The following LRBA variants were observed in gnomAD, a reference collection of about 807,000 sequenced individuals.
LRBA encodes the protein LPS responsive beige-like anchor protein.
Under a neutral mutation model 330.0 loss-of-function variants are expected in LRBA, and 176 were observed. The ratio of observed to expected loss-of-function variants is 0.53; its 90% CI spans 0.47 to 0.60. The LOEUF (loss-of-function observed/expected upper bound fraction) is 0.60. LRBA is among the 20% of genes least tolerant of loss of function. The pLI, the probability that LRBA is intolerant of heterozygous loss-of-function variation, is 0.00. For missense variants in LRBA, 3,259 were observed against 3,444.8 expected (o/e 0.95, Z 1.35); for synonymous variants, 1,230 against 1,193.0 (o/e 1.03, Z -0.64).
chr4:150,872,540 C>G, intron 18 of LRBA, 123 bp downstream of exon 18: 1 of 603,030 alleles, frequency 1.7e-6, no homozygotes, highest in Non-Finnish European at 2.9e-6. Context: ...TACATTTATA[C>G]AGCAATTTAT....
At chr4:150,838,794 G>A (rs1238349566) in intron 28 of LRBA, among the ~76,000 whole-genome samples, 2 of 152,050 alleles carry the variant, frequency 1.3e-5, no homozygotes, top group East Asian at 1.9e-4. Flanking sequence ...CTCTCAACTC[G>A]TCAAAGTCAT....
chr4:150,555,526 G>A lies in LRBA; in HGVS notation c.6330+32522C>T, dbSNP rs948058605. On this transcript the variant is annotated intron_variant, in intron 40 of 56. Transcript: ENST00000651943. ...AGCACTTTGGGAGGCCAAGGTGGGCGGATCACAAGGTCAAGAGATCGAGAC... is the reference window on the plus strand; with the variant it reads ...AGCACTTTGGGAGGCCAAGGTGGGCAGATCACAAGGTCAAGAGATCGAGAC... Among the ~76,000 whole-genome samples, 14 of 152,180 alleles carry A rather than the reference G, an allele frequency of 9.2e-5. No homozygotes were observed. The South Asian group carries it at 2.9e-3, about 32-fold the overall frequency.
Position 150,811,623 on chromosome 4 carries a change from C to T in LRBA, c.5306-3225G>A, listed in dbSNP as rs535384049. On this transcript the variant is annotated intron_variant, in intron 31 of 56. Transcript: ENST00000651943. Reference sequence around the variant, plus strand: ...ACTCAAGTAATCCTCCTGTCTCAGCCTTCTGAGTAGGTGAGATTACAGGCA... The same window carrying T: ...ACTCAAGTAATCCTCCTGTCTCAGCTTTCTGAGTAGGTGAGATTACAGGCA... 5.3e-5 allele frequency among the ~76,000 whole-genome samples: 8 copies of T among 152,218 alleles called. No homozygotes were observed. The South Asian group carries it at 1.5e-3, about 28-fold the overall frequency.
At chr4:150,491,088 T>C (rs1758885771) in intron 40 of LRBA, 53 bp from the exon 41 acceptor site, 1 of 839,398 alleles carries the variant, frequency 1.2e-6, no homozygotes, top group Non-Finnish European at 1.8e-6. Context: ...TTTTTTGTTG[T>C]TGTTTCTTTC....
At chr4:150,824,340 C>G (rs1168654316) in intron 30 of LRBA, among the ~76,000 whole-genome samples, 1 of 152,040 alleles carries the variant, frequency 6.6e-6, no homozygotes, top group Non-Finnish European at 1.5e-5. Flanking sequence ...TTTCTAAATA[C>G]TCTAAATACA....
At chr4:150,349,573 C>T (rs1347588406) in intron 48 of LRBA, among the ~76,000 whole-genome samples, 1 of 151,978 alleles carries the variant, frequency 6.6e-6, no homozygotes, top group Non-Finnish European at 1.5e-5. Flanking sequence ...GACTTCAACC[C>T]CCCCATTAAC....
chr4:150,691,430 T>C (rs1055025621), intron 36 of LRBA, among the ~76,000 whole-genome samples: 4 of 152,064 alleles, frequency 2.6e-5, no homozygotes, highest in African/African-American at 7.2e-5. Flanking sequence ...GATATACAAA[T>C]GGCTAATAAA....
intron 36 of LRBA, among the ~76,000 whole-genome samples, chr4:150,715,021 GACAA>G (rs1229057813): frequency 6.6e-6 from 1 of 152,108 alleles, no homozygotes; most frequent in East Asian, 1.9e-4. Flanking sequence ...TGCTTATTTA[GACAA>G]ACAGTCTCAT....
At chr4:150,534,426 T>A (rs75348609) in intron 40 of LRBA, among the ~76,000 whole-genome samples, 3,011 of 151,154 alleles carry the variant, frequency 0.02, 100 homozygotes, top group African/African-American at 0.067. Flanking sequence ...ATTCCTAATA[T>A]ACAAAGCTAC....
chr4:150,722,852 C>T (rs1031475625), intron 36 of LRBA, among the ~76,000 whole-genome samples: 3 of 152,186 alleles, frequency 2.0e-5, no homozygotes, highest in Middle Eastern at 3.4e-3. Context: ...ACCTCTGCCC[C>T]ATCGCCCAGC....
At chr4:150,889,874 A>G (rs1399494729) in intron 17 of LRBA, among the ~76,000 whole-genome samples, 1 of 152,234 alleles carries the variant, frequency 6.6e-6, no homozygotes, top group Non-Finnish European at 1.5e-5. Context: ...AAGTAACCAC[A>G]GACAATATTT....
At position 150,489,597 on chromosome 4, in the gene LRBA, GAATATAT is replaced by G. The variant is rs547953100; in HGVS notation, c.6448+1314_6448+1320del. Among the ~76,000 whole-genome samples the G allele has an allele frequency of 2.1e-3, 117 of 54,656 alleles. 1 individual carries two copies. The highest frequency in any genetic ancestry group is 5.5e-3 in the African/African-American group (96 of 17,464). The allele number at this position is 54,656 out of a possible 152,430, so 35.9% of individuals were successfully genotyped here. A position where few individuals can be genotyped will look rare whatever the true frequency, so the allele number is the denominator to read the frequency against. On this transcript the variant is annotated intron_variant, in intron 41 of 56. Transcript: ENST00000651943. ...TAAGAATATATAATATATTATATAA[GAATATAT>G]AATATATAATATATAAGAATATATA...
chr4:150,379,303 CAAAAAAAAAAAAA>C (rs10634420), intron 47 of LRBA, among the ~76,000 whole-genome samples: 1 of 59,884 alleles, frequency 1.7e-5, no homozygotes, highest in Non-Finnish European at 2.8e-5. Flanking sequence ...AACTCTAGCT[CAAAAAAAAAAAAA>C]AAAAAAAAAA....
chr4:150,914,295 T>C lies in LRBA; in HGVS notation c.1061A>G (p.Asn354Ser). ...AGTCATCTGACCACAGAATACTCTA[T>C]TAGCATCTGCTGTTTCTGATGAGCC... ...FLGSSETADA[N>S]RVFCGQMTAV... Residue 354 changes from asparagine to serine, a missense_variant, in exon 9 of 57, where the codon AAT becomes AGT. Transcript: ENST00000651943. 1 of 1,600,118 alleles carries C rather than the reference T, an allele frequency of 6.2e-7. No individual in the cohort carries two copies. Among genetic ancestry groups the C allele is most frequent in the East Asian group, 2.2e-5 (1 of 44,760 alleles).
chr4:150,406,167 A>C (rs1471380132), intron 47 of LRBA, among the ~76,000 whole-genome samples: 1 of 152,194 alleles, frequency 6.6e-6, no homozygotes, highest in Admixed American at 6.5e-5. Flanking sequence ...ATTATTTAAT[A>C]CAACAAAGAT....
At chr4:150,843,183 C>T (rs294532) in intron 28 of LRBA, among the ~76,000 whole-genome samples, 127,995 of 151,994 alleles carry the variant, frequency 0.84, 54,882 homozygotes, top group Non-Finnish European at 0.94. Context: ...CATCCAGTAT[C>T]ATGTTTAATA....
At chr4:150,322,515 T>C (rs940503738) in intron 49 of LRBA, among the ~76,000 whole-genome samples, 1 of 152,208 alleles carries the variant, frequency 6.6e-6, no homozygotes, top group Non-Finnish European at 1.5e-5. Context: ...CCAGGTAATA[T>C]GTAAATGTGG....
At chr4:150,725,290 G>A (rs886745583) in intron 36 of LRBA, among the ~76,000 whole-genome samples, 5 of 151,806 alleles carry the variant, frequency 3.3e-5, no homozygotes, top group African/African-American at 1.2e-4. Flanking sequence ...ATTACCTCTG[G>A]GCATCTAATA....
In LRBA at chr4:150,495,547, G is replaced by T. The variant is rs1003532043; in HGVS notation, c.6331-4512C>A. ...AGAAACTAGCAATCTCTTAACTAAG[G>T]AATTACTAGCTGAAATTTATATAAT... On this transcript the variant is annotated intron_variant, in intron 40 of 56. Coordinates refer to ENST00000651943, the MANE Select transcript of LRBA (RefSeq NM_001364905.1). 2.4e-4 allele frequency among the ~76,000 whole-genome samples: 37 copies of T among 152,056 alleles called. 1 individual carries two copies. The highest frequency in any genetic ancestry group is 3.3e-4 in the Admixed American group (5 of 15,272).
Sources: allele counts gnomAD v4.1 joint callset (sites outside exome capture counted in the v4.1 genomes callset), GRCh38; gene constraint gnomAD v4.1.1; transcripts MANE v1.5; gene names NCBI Gene and HGNC (gene_info 2026-07-23, HGNC 2026-07-21).